COL28A1: variants seen among roughly 807,000 people sequenced by gnomAD.
The protein encoded by COL28A1 is collagen type XXVIII alpha 1 chain.
A neutral mutation model predicts 150.2 loss-of-function variants in COL28A1; 161 were observed. The ratio of observed to expected loss-of-function variants is 1.07; its 90% confidence interval spans 0.94 to 1.22. The LOEUF is 1.22. Ranked by LOEUF, COL28A1 falls within the 50% of genes most tolerant of loss-of-function variation. The pLI is 0.00. For missense variants in COL28A1, 1,617 were observed against 1,388.3 expected, an observed-to-expected ratio of 1.16 and a Z score of -2.62; for synonymous variants, 552 against 469.7, an observed-to-expected ratio of 1.18 and a Z score of -2.26.
At chr7:7,495,090 T>C (rs1408483105) in intron 11 of COL28A1, among the ~76,000 whole-genome samples, 1 of 152,168 alleles carries the variant, frequency 6.6e-6, no homozygotes, top group Non-Finnish European at 1.5e-5. Context: ...CATTTGTAAT[T>C]TTAAATTCTC....
At chr7:7,370,659 T>A in intron 33 of COL28A1, 66 bp downstream of exon 33, 1 of 1,349,538 alleles carries the variant, frequency 7.4e-7, no homozygotes, top group Non-Finnish European at 1.0e-6. Flanking sequence ...GGCAGAATGA[T>A]CTTTGATATG....
At chr7:7,349,117 T>C in the COL28A1 span, among the ~76,000 whole-genome samples, 5 of 152,140 alleles carry the variant, frequency 3.3e-5, no homozygotes, top group African/African-American at 9.7e-5. Context: ...TATGGTTTAT[T>C]TTTTGACATA....
chr7:7,358,641 G>T lies in COL28A1; in HGVS notation c.3370C>A (p.Gln1124Lys), dbSNP rs1383447389. 6.2e-7 allele frequency: 1 copy of T among 1,613,674 alleles called. No homozygotes were observed. Among genetic ancestry groups the T allele is most frequent in the Non-Finnish European group, 8.5e-7 (1 of 1,179,884 alleles). ...SEKECQETCI[Q>K]G The stretch of plus-strand genomic sequence containing the variant: ...CAGGCCAATTTACTTGCTCATCCTT[G>T]AATGCAGGTTTCTTGACATTCCTTT... The change falls in exon 35 of 35, where the codon CAA (glutamine) becomes AAA (lysine). Residue 1124 changes from glutamine (Q) to lysine (K), a missense_variant. Physicochemically the swap from Gln to Lys is moderately conservative, Grantham distance 53 (BLOSUM62 1). Coordinates refer to ENST00000399429, the MANE Select transcript of COL28A1 (RefSeq NM_001037763.3).
At position 7,373,543 on chromosome 7, in the gene COL28A1, C is replaced by T. The variant is rs376738036; in HGVS notation, c.2363G>A (p.Cys788Tyr). The T allele has an allele frequency of 6.2e-7, 1 of 1,606,876 alleles. No homozygotes were observed. The highest frequency in any genetic ancestry group is 1.7e-4 in the Middle Eastern group (1 of 6,028). Residue 788 changes from cysteine to tyrosine, a missense_variant, in exon 32 of 35, where the codon TGT (cysteine) becomes TAT (tyrosine). Coordinates refer to ENST00000399429, the MANE Select transcript of COL28A1 (RefSeq NM_001037763.3). The surrounding 1 kb of genome is among the most constrained non-coding windows in gnomAD (Gnocchi z 4.1). ...TGGAGTCTCTTTGCATTTGGGCCCA[C>T]AACCTAAAAGATGAATGTTGAGAGA... Reference protein sequence around the residue: ...IIKLITEICGCGPKCKETPLE... With the variant: ...IIKLITEICGYGPKCKETPLE...
At position 7,436,385 on chromosome 7, in the gene COL28A1, TA is replaced by T. The variant is rs965293820; in HGVS notation, c.1860+9del. ...TACAGAAAAACAAAAAGAACATGAA[TA>T]AAGCATACCTTTGGTCCTCGAATAG... On this transcript the variant is annotated intron_variant, in intron 23 of 34. Transcript: ENST00000399429. The T allele has an allele frequency of 8.1e-7, 1 of 1,240,244 alleles. No homozygotes were observed. The highest frequency in any genetic ancestry group is 1.2e-6 in the Non-Finnish European group (1 of 838,680). The allele number at this position is 1,240,244 out of a possible 1,614,324, so 76.8% of individuals were successfully genotyped here.
Position 7,419,970 on chromosome 7 carries a change from A to G in COL28A1, c.1999-17T>C. 2 of 1,546,302 alleles carry G rather than the reference A, an allele frequency of 1.3e-6. No individual in the cohort carries two copies. The highest frequency in any genetic ancestry group is 4.2e-5 in the Admixed American group (2 of 47,684). On this transcript the variant is annotated splice_polypyrimidine_tract_variant and intron_variant, in intron 25 of 34. Coordinates refer to ENST00000399429, the MANE Select transcript of COL28A1 (RefSeq NM_001037763.3). ...AGGCTCTCCCTGAAAAGACACAACAAATAACAAGTTACTAATTTTTTAAAG... is the reference window on the plus strand; with the variant it reads ...AGGCTCTCCCTGAAAAGACACAACAGATAACAAGTTACTAATTTTTTAAAG...
At position 7,436,460 on chromosome 7, in the gene COL28A1, C is replaced by A. The variant is rs1785351120; in HGVS notation, c.1795G>T (p.Asp599Tyr). ...CCAGGTATCCCAGGTCCTCCTCTATCTCCCTGTACATTTCAAATAACATTT... is the reference window on the plus strand; with the variant it reads ...CCAGGTATCCCAGGTCCTCCTCTATATCCCTGTACATTTCAAATAACATTT... ...SIPGPPGPKG[D>Y]RGGPGIPGFK... Residue 599 changes from aspartate to tyrosine, a missense_variant, in exon 23 of 35, where the codon GAT becomes TAT. Coordinates refer to ENST00000399429, the MANE Select transcript of COL28A1 (RefSeq NM_001037763.3). 4 of 1,322,068 alleles carry A rather than the reference C, an allele frequency of 3.0e-6. No homozygotes were observed. The highest frequency in any genetic ancestry group is 4.4e-6 in the Non-Finnish European group (4 of 913,386). The allele number at this position is 1,322,068 out of a possible 1,614,324, so 81.9% of individuals were successfully genotyped here.
upstream of COL28A1, among the ~76,000 whole-genome samples, chr7:7,538,586 T>C (rs1241433196): frequency 2.0e-5 from 3 of 152,214 alleles, no homozygotes; most frequent in Non-Finnish European, 2.9e-5. Context: ...TAGTAGCATC[T>C]GCATTGTGTT....
intron 16 of COL28A1, among the ~76,000 whole-genome samples, chr7:7,454,843 G>C (rs1280899514): frequency 6.6e-6 from 1 of 152,132 alleles, no homozygotes; most frequent in African/African-American, 2.4e-5. Flanking sequence ...GATGATATTT[G>C]AGTAGCCCAA....
At position 7,374,038 on chromosome 7, in the gene COL28A1, A is replaced by AAAAAAAAAAAATATATAT; in HGVS notation, c.2360-493_2360-492insATATATATTTTTTTTTTT. On this transcript the variant is annotated intron_variant, in intron 31 of 34. Transcript: ENST00000399429. ...TACTTGACTCTTAAAAAAAAAAAAA[A>AAAAAAAAAAAATATATAT]ATATATATATATATATATATATACT... Among the ~76,000 whole-genome samples, 100 of 113,586 alleles carry AAAAAAAAAAAATATATAT rather than the reference A, an allele frequency of 8.8e-4. 1 individual carries two copies. The highest frequency in any genetic ancestry group is 3.6e-3 in the African/African-American group (95 of 26,372). 74.5% of individuals were successfully genotyped at this position (113,586 alleles called of 152,430 possible).
the COL28A1 span, among the ~76,000 whole-genome samples, chr7:7,343,425 T>G: frequency 1.3e-5 from 2 of 152,078 alleles, no homozygotes; most frequent in African/African-American, 4.8e-5. Flanking sequence ...CCTTGCTGCG[T>G]GCTAGACAAG....
intron 7 of COL28A1, 123 bp from the exon 8 acceptor site, chr7:7,515,963 T>C (rs1411137892): frequency 4.9e-6 from 3 of 606,088 alleles, no homozygotes; most frequent in African/African-American, 3.9e-5. Flanking sequence ...GAAAATTAGA[T>C]CATAGAAATG....
At position 7,485,012 on chromosome 7, in the gene COL28A1, TG is replaced by T. The variant is rs549771957; in HGVS notation, c.1164+4376del. On this transcript the variant is annotated intron_variant, in intron 13 of 34. Coordinates refer to ENST00000399429, the MANE Select transcript of COL28A1 (RefSeq NM_001037763.3). ...GAGAAAAGGGTGAGGATGGATAAAT[TG>T]CCTATCAGGTACTATGCTTCTTATT... is the stretch of plus-strand genomic sequence containing the variant. Among the ~76,000 whole-genome samples, 130 of 152,192 alleles carry T rather than the reference TG, an allele frequency of 8.5e-4. 1 individual carries two copies. The Middle Eastern group carries it at 0.01, about 12-fold the overall frequency.
chr7:7,479,596 A>G (rs1410810105), intron 13 of COL28A1, among the ~76,000 whole-genome samples: 5 of 152,234 alleles, frequency 3.3e-5, no homozygotes, highest in African/African-American at 1.2e-4. Context: ...TATTTCAGGA[A>G]CTGGTTGAAC....
Position 7,464,231 on chromosome 7 carries a change from A to C in COL28A1, c.1303-8119T>G, listed in dbSNP as rs1034450347. On this transcript the variant is annotated intron_variant, in intron 15 of 34. Transcript: ENST00000399429. ...TAATAGTGGGGCACTTCAATACTGC[A>C]CTGACAGCACTAGACAGGTCATCGA... Among the ~76,000 whole-genome samples the C allele has an allele frequency of 8.5e-5, 13 of 152,222 alleles. 1 individual carries two copies. Among genetic ancestry groups the C allele is most frequent in the African/African-American group, 3.1e-4 (13 of 41,462 alleles).
intron 11 of COL28A1, among the ~76,000 whole-genome samples, chr7:7,500,942 C>T (rs570536224): frequency 7.2e-5 from 11 of 152,286 alleles, no homozygotes; most frequent in Non-Finnish European, 1.5e-4. Context: ...CTCACTGCAA[C>T]GAACTCCTCT....
intron 11 of COL28A1, among the ~76,000 whole-genome samples, chr7:7,500,096 G>A (rs1242444576): frequency 1.3e-5 from 2 of 152,152 alleles, no homozygotes; most frequent in Non-Finnish European, 2.9e-5. Context: ...ACCCAACTAT[G>A]TTAGAAGAAT....
intron 18 of COL28A1, among the ~76,000 whole-genome samples, chr7:7,445,487 C>T (rs1389221076): frequency 1.3e-5 from 2 of 152,186 alleles, no homozygotes; most frequent in Non-Finnish European, 2.9e-5. Context: ...TATTAAGGCA[C>T]TCAGTTCCTA....
At chr7:7,535,449 G>C (rs1355475227) in intron 1 of COL28A1, among the ~76,000 whole-genome samples, 1 of 152,020 alleles carries the variant, frequency 6.6e-6, no homozygotes, top group African/African-American at 2.4e-5. Context: ...AACTAATTCT[G>C]AATTGTAAAC....
Sources: allele counts gnomAD v4.1 joint callset (sites outside exome capture counted in the v4.1 genomes callset), GRCh38; gene constraint gnomAD v4.1.1; non-coding constraint Gnocchi (gnomAD v3.1); transcripts MANE v1.5; gene names NCBI Gene and HGNC (gene_info 2026-07-23, HGNC 2026-07-21).